SCARB1: variants seen among roughly 807,000 people sequenced by gnomAD.
SCARB1 encodes the protein scavenger receptor class B member 1.
SCARB1 carries 30 observed loss-of-function variants against 57.2 expected under a neutral mutation model. The ratio of observed to expected loss-of-function variants is 0.52; its 90% confidence interval spans 0.39 to 0.71. SCARB1 has a LOEUF of 0.71. Ranked by LOEUF, SCARB1 falls within the 30% of genes least tolerant of loss-of-function variation. The pLI is 0.00. For synonymous variants in SCARB1, 249 were observed against 268.3 expected, an observed-to-expected ratio of 0.93 and a Z score of 0.70; for missense variants, 543 against 671.2, an observed-to-expected ratio of 0.81 and a Z score of 2.11.
intron 1 of SCARB1, among the ~76,000 whole-genome samples, chr12:124,830,770 C>T (rs4765619): frequency 0.66 from 99,615 of 152,038 alleles, 33,394 homozygotes; most frequent in African/African-American, 0.79. Context: ...TTTCTTAATG[C>T]ATTTGATACT....
chr12:124,834,841 G>A (rs368954275), intron 1 of SCARB1, among the ~76,000 whole-genome samples: 98 of 152,244 alleles, frequency 6.4e-4, no homozygotes, highest in African/African-American at 2.2e-3. Context: ...CCAGAAGGTC[G>A]AGGCTGCAGT....
At chr12:124,831,030 C>T (rs1433822768) in intron 1 of SCARB1, among the ~76,000 whole-genome samples, 1 of 150,338 alleles carries the variant, frequency 6.7e-6, no homozygotes, top group Non-Finnish European at 1.5e-5. Flanking sequence ...GGCTGGAGTG[C>T]AGTGGCGCGA....
intron 1 of SCARB1, among the ~76,000 whole-genome samples, chr12:124,859,001 A>G (rs535339288): frequency 6.6e-6 from 1 of 152,226 alleles, no homozygotes; most frequent in Admixed American, 6.5e-5. Flanking sequence ...CAGCCTCTCA[A>G]GTAGCTAGGA....
Position 124,829,327 on chromosome 12 carries a change from G to A in SCARB1, c.127-11620C>T, listed in dbSNP as rs375460019. 4.6e-5 allele frequency among the ~76,000 whole-genome samples: 7 copies of A among 152,154 alleles called. No homozygotes were observed. In the South Asian group the frequency reaches 1.5e-3, roughly 32 times the overall value. On this transcript the variant is annotated intron_variant, in intron 1 of 12. Transcript: ENST00000261693. Reference sequence around the variant, plus strand: ...TATGGATGGGTGCCGTAGTTTCCCCGCTGTTTTCCTGCCTCTGCTCTTGCC... The same window carrying A: ...TATGGATGGGTGCCGTAGTTTCCCCACTGTTTTCCTGCCTCTGCTCTTGCC...
intron 8 of SCARB1, among the ~76,000 whole-genome samples, chr12:124,797,485 G>T (rs1949981905): frequency 6.6e-6 from 1 of 152,136 alleles, no homozygotes; most frequent in Non-Finnish European, 1.5e-5. Context: ...AGAAATAAAG[G>T]CCACTTCCTC....
At chr12:124,797,732 G>A (rs1220891194) in intron 8 of SCARB1, among the ~76,000 whole-genome samples, 1 of 152,234 alleles carries the variant, frequency 6.6e-6, no homozygotes, top group Admixed American at 6.5e-5. Flanking sequence ...GCTGGAGGAG[G>A]AATTAACTAA....
chr12:124,858,683 T>A (rs552940559), intron 1 of SCARB1, among the ~76,000 whole-genome samples: 149 of 151,954 alleles, frequency 9.8e-4, no homozygotes, highest in African/African-American at 3.4e-3. Context: ...ATTGAGACCA[T>A]CCTGGCTAAA....
At chr12:124,809,884 G>A (rs966548160) in intron 6 of SCARB1, among the ~76,000 whole-genome samples, 4 of 152,102 alleles carry the variant, frequency 2.6e-5, no homozygotes, top group Non-Finnish European at 4.4e-5. Flanking sequence ...CCCACCTCTC[G>A]CCTCCATTTT....
At chr12:124,846,353 C>T (rs11612448) in intron 1 of SCARB1, among the ~76,000 whole-genome samples, 1 of 152,222 alleles carries the variant, frequency 6.6e-6, no homozygotes, top group Non-Finnish European at 1.5e-5. Flanking sequence ...ACCCCCTACT[C>T]TGACTGTCGG....
chr12:124,789,284 G>C lies in SCARB1; in HGVS notation c.1203-1827C>G, dbSNP rs1949637006. 6.6e-6 allele frequency among the ~76,000 whole-genome samples: 1 copy of C among 152,098 alleles called. No individual in the cohort carries two copies. Among genetic ancestry groups the C allele is most frequent in the Admixed American group, 6.6e-5 (1 of 15,262 alleles). On this transcript the variant is annotated intron_variant, in intron 9 of 12. Coordinates refer to ENST00000261693, the MANE Select transcript of SCARB1 (RefSeq NM_005505.5). This position sits in a 1 kb window ranked among gnomAD's most constrained non-coding sequence, Gnocchi z 4.4. ...TCACCCCAGTCTAATCATGAGAAAA[G>C]CACCAGACCAATCCCAGTAGAGGGT...
At chr12:124,802,094 G>A (rs1950151936) in intron 7 of SCARB1, among the ~76,000 whole-genome samples, 1 of 134,438 alleles carries the variant, frequency 7.4e-6, no homozygotes, top group East Asian at 2.3e-4. Context: ...AAGTTGTGGT[G>A]AGCCAAGATT....
intron 1 of SCARB1, among the ~76,000 whole-genome samples, chr12:124,837,477 AAGG>A (rs1951700382): frequency 6.6e-5 from 2 of 30,456 alleles, no homozygotes; most frequent in East Asian, 7.7e-4. Flanking sequence ...GAAAGAAAGG[AAGG>A]AAGGAAGGAA....
chr12:124,838,963 C>T (rs929460697), intron 1 of SCARB1, among the ~76,000 whole-genome samples: 2 of 151,806 alleles, frequency 1.3e-5, no homozygotes, highest in South Asian at 2.1e-4. Context: ...TTAGTAGAGA[C>T]GGGGTTTCAC....
chr12:124,784,317 C>G (rs1387456694), intron 11 of SCARB1: 1 of 152,280 alleles, frequency 6.6e-6, no homozygotes, highest in Non-Finnish European at 1.5e-5. Flanking sequence ...TCTGGCTCCC[C>G]CTGGGGCAGT....
At chr12:124,849,454 G>T (rs750514730) in intron 1 of SCARB1, among the ~76,000 whole-genome samples, 1 of 152,106 alleles carries the variant, frequency 6.6e-6, no homozygotes, top group African/African-American at 2.4e-5. Flanking sequence ...CAGTCCTGCC[G>T]CCAGGATGTG....
intron 1 of SCARB1, among the ~76,000 whole-genome samples, chr12:124,856,965 G>A (rs111312338): frequency 3.9e-5 from 6 of 152,238 alleles, no homozygotes; most frequent in African/African-American, 1.4e-4. Context: ...GTTTGGCGGG[G>A]TGATGATTAG....
chr12:124,853,464 G>A (rs1313569569), intron 1 of SCARB1, among the ~76,000 whole-genome samples: 1 of 147,814 alleles, frequency 6.8e-6, no homozygotes, highest in South Asian at 2.2e-4. Flanking sequence ...GTGCAATCTC[G>A]GCTCACTGCA....
intron 6 of SCARB1, among the ~76,000 whole-genome samples, chr12:124,809,434 A>G (rs1276805352): frequency 6.6e-6 from 1 of 152,194 alleles, no homozygotes; most frequent in Non-Finnish European, 1.5e-5. Flanking sequence ...AAATTAAATA[A>G]ATAAATAAGT....
At chr12:124,844,786 CTGT>C (rs1384987193) in intron 1 of SCARB1, among the ~76,000 whole-genome samples, 2 of 151,802 alleles carry the variant, frequency 1.3e-5, no homozygotes, top group African/African-American at 4.8e-5. Context: ...GCCCATGCAC[CTGT>C]TATGGACATT....
Sources: gnomAD v4.1 joint callset for allele counts (sites outside exome capture counted in the v4.1 genomes callset) on GRCh38, gnomAD v4.1.1 for gene constraint, Gnocchi (gnomAD v3.1) non-coding constraint, MANE v1.5 for transcripts, NCBI Gene and HGNC (gene_info 2026-07-23, HGNC 2026-07-21) for gene names.